GPR135: variants seen among roughly 807,000 people sequenced by gnomAD.
The protein encoded by GPR135 is G protein-coupled receptor 135.
GPR135 carries 17 observed loss-of-function variants against 15.0 expected under a neutral mutation model. That is an observed-to-expected ratio of 1.13 (90% CI 0.78 to 1.70). The LOEUF is 1.70. Among genes scored for constraint, GPR135 ranks in the 40% most tolerant of loss-of-function variants. The pLI is 0.00. For missense variants in GPR135, 776 were observed against 727.0 expected (o/e 1.07, Z -0.78); for synonymous variants, 368 against 349.4 (o/e 1.05, Z -0.59).
chr14:59,462,107 C>A lies in GPR135; in HGVS notation c.*1635G>T. On this transcript the variant is annotated 3_prime_UTR_variant, in exon 1 of 1. Coordinates refer to ENST00000395116, the MANE Select transcript of GPR135 (RefSeq NM_022571.6). ...TTTGATTACAAAATAATGACATGTA[C>A]CCACCTGTCAAACAAAGAAATACTT... is the stretch of plus-strand genomic sequence containing the variant. 6.6e-6 allele frequency: 1 copy of A among 152,064 alleles called. No homozygotes were observed. The highest frequency in any genetic ancestry group is 1.9e-4 in the East Asian group (1 of 5,194). The allele number at this position is 152,064 out of a possible 1,614,324, so 9.4% of individuals were successfully genotyped here.
chr14:59,461,480 A>C lies in GPR135; in HGVS notation c.*2262T>G, dbSNP rs909766019. 1.3e-5 allele frequency: 2 copies of C among 152,132 alleles called. No individual in the cohort carries two copies. The highest frequency in any genetic ancestry group is 4.8e-5 in the African/African-American group (2 of 41,406). The allele number at this position is 152,132 out of a possible 1,614,324, so 9.4% of individuals were successfully genotyped here. A position where few individuals can be genotyped will look rare whatever the true frequency, so the allele number is the denominator to read the frequency against. On this transcript the variant is annotated 3_prime_UTR_variant, in exon 1 of 1. Coordinates refer to ENST00000395116, the MANE Select transcript of GPR135 (RefSeq NM_022571.6). ...CCATGACTCTCGGAGCCACTAACAG[A>C]ATGGCCTCTTTCACAAGCCATGCCT...
In GPR135 at chr14:59,462,206, T is replaced by C. The variant is rs1888884172; in HGVS notation, c.*1536A>G. 6.6e-6 allele frequency: 1 copy of C among 152,232 alleles called. No individual in the cohort carries two copies. The highest frequency in any genetic ancestry group is 2.4e-5 in the African/African-American group (1 of 41,452). The allele number at this position is 152,232 out of a possible 1,614,324, so 9.4% of individuals were successfully genotyped here. A position where few individuals can be genotyped will look rare whatever the true frequency, so the allele number is the denominator to read the frequency against. Reference sequence around the variant, plus strand: ...ATTGAAATCTTCATACGACAGCTAATGTCTTTTCATATCTACTGTAAATAA... The same window carrying C: ...ATTGAAATCTTCATACGACAGCTAACGTCTTTTCATATCTACTGTAAATAA... On this transcript the variant is annotated 3_prime_UTR_variant, in exon 1 of 1. Transcript: ENST00000395116.
In GPR135 at chr14:59,464,749, C is replaced by T; in HGVS notation, c.478G>A (p.Ala160Thr). 1 of 1,567,158 alleles carries T rather than the reference C, an allele frequency of 6.4e-7. No individual in the cohort carries two copies. Among genetic ancestry groups the T allele is most frequent in the South Asian group, 1.2e-5 (1 of 86,122 alleles). ...GGCGGAGTGAAGAGGTCCAGGAAGG[C>T]GGCGGGCAGGCAGAGCAGCGCCGTG... is the stretch of plus-strand genomic sequence containing the variant. ...LLTALLCLPAAFLDLFTPPGG... is the reference protein window; with the variant it reads ...LLTALLCLPATFLDLFTPPGG... The change falls in exon 1 of 1, where the codon GCC becomes ACC. Residue 160 changes from alanine (A) to threonine (T), a missense_variant. Coordinates refer to ENST00000395116, the MANE Select transcript of GPR135 (RefSeq NM_022571.6).
Position 59,465,112 on chromosome 14 carries a change from C to T in GPR135, c.115G>A (p.Ala39Thr). ...ACGGTGCTGAAGGAGAGCACGGCCGCCGTGGCCGCGGAGGAAGTCCCGCCA... is the reference window on the plus strand; with the variant it reads ...ACGGTGCTGAAGGAGAGCACGGCCGTCGTGGCCGCGGAGGAAGTCCCGCCA... ...PPGGTSSAAT[A>T]AVLSFSTVAT... Residue 39 changes from alanine to threonine, a missense_variant, in exon 1 of 1, where the codon GCG becomes ACG. Coordinates refer to ENST00000395116, the MANE Select transcript of GPR135 (RefSeq NM_022571.6). The T allele has an allele frequency of 1.4e-6, 2 of 1,383,630 alleles. No homozygotes were observed. The highest frequency in any genetic ancestry group is 1.9e-6 in the Non-Finnish European group (2 of 1,067,760). The allele number at this position is 1,383,630 out of a possible 1,614,324, so 85.7% of individuals were successfully genotyped here. A position where few individuals can be genotyped will look rare whatever the true frequency, so the allele number is the denominator to read the frequency against.
rs751150355 is a variant in GPR135 at position 59,464,925 on chromosome 14, G to A, written c.302C>T (p.Ala101Val). ...GACGAGCGCCTGGGCCGCCACTGCA[G>A]CTCCGTGCGACAGCAGCGGCGCCGC... Reference protein sequence around the residue: ...PEAAPLLSHGAAVAAQALVLL... With the variant: ...PEAAPLLSHGVAVAAQALVLL... Residue 101 changes from alanine to valine, a missense_variant, in exon 1 of 1, where the codon GCT becomes GTT. Transcript: ENST00000395116. 1.9e-6 allele frequency: 3 copies of A among 1,587,310 alleles called. No individual in the cohort carries two copies. In the South Asian group the frequency reaches 3.4e-5, roughly 18 times the overall value.
intron 6 of GPR135, among the ~76,000 whole-genome samples, chr14:59,454,944 CA>C (rs1157207132): frequency 5.3e-5 from 8 of 152,036 alleles, no homozygotes; most frequent in African/African-American, 1.7e-4. Flanking sequence ...TACTAAAATA[CA>C]AAAAATTAGC....
chr14:59,464,879 C>G lies in GPR135; in HGVS notation c.348G>C (p.Leu116=). The G allele has an allele frequency of 3.1e-6, 5 of 1,606,454 alleles. No individual in the cohort carries two copies. The highest frequency in any genetic ancestry group is 4.2e-6 in the Non-Finnish European group (5 of 1,177,114). Residue 116 remains leucine, a synonymous_variant, in exon 1 of 1, where the codon CTG becomes CTC. Transcript: ENST00000395116. ...TCACCGCGCAGTTGCCAAGGCTAGACAGCAGGAAGATGAGCAGGAGGACGA... is the reference window on the plus strand; with the variant it reads ...TCACCGCGCAGTTGCCAAGGCTAGAGAGCAGGAAGATGAGCAGGAGGACGA... The part of the protein sequence containing the change: ...QALVLLLIFL[L]SSLGNCAVMG...
rs1270131888 is a variant in GPR135, at chr14:59,464,202, C to T, written c.1025G>A (p.Cys342Tyr). The stretch of plus-strand genomic sequence containing the variant: ...CAGGAAGCAGTAGGGCCCCCAGCAG[C>T]AGATGACGAAGACGATCATGATGAG... ...TVLIMIVFVI[C>Y]CWGPYCFLVL... Residue 342 changes from cysteine to tyrosine, a missense_variant, in exon 1 of 1, where the codon TGC (cysteine) becomes TAC (tyrosine). By Grantham distance (194) the Cys-to-Tyr change is radical. Transcript: ENST00000395116. 1.2e-6 allele frequency: 2 copies of T among 1,610,252 alleles called. No homozygotes were observed. Among genetic ancestry groups the T allele is most frequent in the East Asian group, 2.2e-5 (1 of 44,882 alleles).
downstream of GPR135, among the ~76,000 whole-genome samples, chr14:59,457,150 T>A (rs1370720983): frequency 6.6e-6 from 1 of 152,230 alleles, no homozygotes; most frequent in Non-Finnish European, 1.5e-5. Context: ...CCGGCCTCCA[T>A]TGTTTCTGAT....
chr14:59,457,262 T>C (rs190284216), downstream of GPR135, among the ~76,000 whole-genome samples: 8 of 152,340 alleles, frequency 5.3e-5, no homozygotes, highest in Admixed American at 4.6e-4. Context: ...TCAGCATTTT[T>C]ACTATTTTAC....
In GPR135 at chr14:59,463,330, T is replaced by C. The variant is rs1888938571; in HGVS notation, c.*412A>G. ...TAGAAGCTAAAGTTTTGTTGGATGG[T>C]AGCGATTTAGAGGGGCTTTCAAGCA... is the stretch of plus-strand genomic sequence containing the variant. On this transcript the variant is annotated 3_prime_UTR_variant, in exon 1 of 1. Coordinates refer to ENST00000395116, the MANE Select transcript of GPR135 (RefSeq NM_022571.6). 1 of 168,128 alleles carries C rather than the reference T, an allele frequency of 5.9e-6. No homozygotes were observed. Among genetic ancestry groups the C allele is most frequent in the East Asian group, 1.8e-4 (1 of 5,612 alleles). The allele number at this position is 168,128 out of a possible 1,614,324, so 10.4% of individuals were successfully genotyped here.
downstream of GPR135, chr14:59,458,886 TGA>T (rs948351210): frequency 6.6e-6 from 1 of 152,158 alleles, no homozygotes; most frequent in Non-Finnish European, 1.5e-5. Context: ...ACATGTAGCC[TGA>T]GAGATGTGAA....
chr14:59,463,336 T>G lies in GPR135; in HGVS notation c.*406A>C. On this transcript the variant is annotated 3_prime_UTR_variant, in exon 1 of 1. Transcript: ENST00000395116. ...CTAAAGTTTTGTTGGATGGTAGCGA[T>G]TTAGAGGGGCTTTCAAGCAGCTCTG... 5.9e-6 allele frequency: 1 copy of G among 170,366 alleles called. No homozygotes were observed. The highest frequency in any genetic ancestry group is 1.8e-4 in the East Asian group (1 of 5,712). The allele number at this position is 170,366 out of a possible 1,614,324, so 10.6% of individuals were successfully genotyped here.
chr14:59,465,003 GA>G lies in GPR135; in HGVS notation c.223del (p.Ser75ProfsTer11). 1 of 1,390,032 alleles carries G rather than the reference GA, an allele frequency of 7.2e-7. No homozygotes were observed. Among genetic ancestry groups the G allele is most frequent in the Non-Finnish European group, 9.3e-7 (1 of 1,077,104 alleles). 86.1% of individuals were successfully genotyped at this position (1,390,032 alleles called of 1,614,324 possible). A position where few individuals can be genotyped will look rare whatever the true frequency, so the allele number is the denominator to read the frequency against. On this transcript the variant is annotated frameshift_variant, in exon 1 of 1. Coordinates refer to ENST00000395116, the MANE Select transcript of GPR135 (RefSeq NM_022571.6). LOFTEE classifies it high-confidence loss of function. ...AAPGGGGLGG[S>X]GAAREAGAAV... The stretch of plus-strand genomic sequence containing the variant: ...CGCCCCCGCCTCCCGCGCTGCCCCG[GA>G]CCCGCCAAGGCCGCCGCCACCGGGA...
intron 6 of GPR135, among the ~76,000 whole-genome samples, chr14:59,453,922 CAG>C (rs1888569734): frequency 1.3e-5 from 2 of 152,142 alleles, no homozygotes. Context: ...AAGGAATGAT[CAG>C]AGTGGTTAGC....
chr14:59,464,505 G>A lies in GPR135; in HGVS notation c.722C>T (p.Ser241Phe), dbSNP rs1288999192. 1.4e-5 allele frequency: 21 copies of A among 1,543,618 alleles called. No homozygotes were observed. The highest frequency in any genetic ancestry group is 1.7e-5 in the Non-Finnish European group (20 of 1,152,082). The change falls in exon 1 of 1, where the codon TCC becomes TTC. Residue 241 changes from serine to phenylalanine, a missense_variant. Ser to Phe is a radical substitution (Grantham distance 155, BLOSUM62 -2). Transcript: ENST00000395116. ...CGCCCCGAGCAGCTCCCAGGGCAAG[G>A]AGAAGCCCAGGGCCGTCAGCCAGGC... ...AGAWLTALGF[S>F]LPWELLGAPR... is the part of the protein sequence containing the mutation.
chr14:59,456,228 A>C (rs1341498618), downstream of GPR135, among the ~76,000 whole-genome samples: 1 of 152,204 alleles, frequency 6.6e-6, no homozygotes, highest in Non-Finnish European at 1.5e-5. Context: ...GTTAAAAAAA[A>C]ACAACAAACA....
At position 59,461,961 on chromosome 14, in the gene GPR135, T is replaced by G. The variant is rs1158494293; in HGVS notation, c.*1781A>C. On this transcript the variant is annotated 3_prime_UTR_variant, in exon 1 of 1. Transcript: ENST00000395116. ...AGGGGAGGGATTATCTCATCTACTT[T>G]GTACTACATTGAGTGTAGCAAAATA... 6.6e-6 allele frequency: 1 copy of G among 152,220 alleles called. No homozygotes were observed. Among genetic ancestry groups the G allele is most frequent in the Non-Finnish European group, 1.5e-5 (1 of 68,044 alleles). 9.4% of individuals were successfully genotyped at this position (152,220 alleles called of 1,614,324 possible).
chr14:59,452,906 A>G (rs2139754486), intron 6 of GPR135, among the ~76,000 whole-genome samples: 1 of 152,320 alleles, frequency 6.6e-6, no homozygotes, highest in South Asian at 2.1e-4. Context: ...CTAAAAGGAA[A>G]TGAGCTATTT....
Sources: gnomAD v4.1 joint callset for allele counts (sites outside exome capture counted in the v4.1 genomes callset) on GRCh38, gnomAD v4.1.1 for gene constraint, MANE v1.5 for transcripts, NCBI Gene and HGNC (gene_info 2026-07-23, HGNC 2026-07-21) for gene names.